Variants in TRIOBP observed in about 807,000 individuals in gnomAD.
The protein encoded by TRIOBP is TRIO and F-actin binding protein.
A neutral mutation model predicts 238.8 loss-of-function variants in TRIOBP; 169 were observed. The ratio of observed to expected loss-of-function variants is 0.71; its 90% CI spans 0.62 to 0.80. The LOEUF (loss-of-function observed/expected upper bound fraction) is 0.80. TRIOBP is among the 30% of genes least tolerant of loss of function. The pLI is 0.00. For missense variants in TRIOBP, 2,838 were observed against 3,122.6 expected, an observed-to-expected ratio of 0.91 and a Z score of 2.17; for synonymous variants, 1,150 against 1,274.4, an observed-to-expected ratio of 0.90 and a Z score of 2.08.
At position 37,771,093 on chromosome 22, in the gene TRIOBP, A is replaced by G. The variant is rs113523292; in HGVS notation, c.6850-557A>G. ...TCTAATCTTCCTGACAGCTCCATAC[A>G]TTAGCTACTATGACTGTCCCCATTT... is the stretch of plus-strand genomic sequence containing the variant. On this transcript the variant is annotated intron_variant, in intron 21 of 23. Coordinates refer to ENST00000644935, the MANE Select transcript of TRIOBP (RefSeq NM_001039141.3). 6.8e-3 allele frequency among the ~76,000 whole-genome samples: 1,034 copies of G among 152,306 alleles called. 13 individuals are homozygous for G. The highest frequency in any genetic ancestry group is 0.023 in the African/African-American group (966 of 41,558).
chr22:37,758,821 G>A (rs903410111), intron 16 of TRIOBP, among the ~76,000 whole-genome samples: 1 of 152,172 alleles, frequency 6.6e-6, no homozygotes, highest in Admixed American at 6.5e-5. Context: ...TTTACTGACG[G>A]GAAAACTGAG....
intron 18 of TRIOBP, 39 bp from the exon 19 acceptor site, chr22:37,768,035 C>G: frequency 1.9e-6 from 3 of 1,554,472 alleles, no homozygotes; most frequent in Non-Finnish European, 8.8e-7. Flanking sequence ...CTGCTGACCC[C>G]CCTCCAGTCT....
chr22:37,705,581 T>C (rs746879213), intron 3 of TRIOBP, among the ~76,000 whole-genome samples: 8 of 151,158 alleles, frequency 5.3e-5, no homozygotes, highest in Non-Finnish European at 1.0e-4. Flanking sequence ...CTGTTTTGTT[T>C]TTGTTTTTTT....
chr22:37,748,736 C>T (rs1184372590), intron 11 of TRIOBP, among the ~76,000 whole-genome samples: 4 of 152,082 alleles, frequency 2.6e-5, no homozygotes, highest in African/African-American at 4.8e-5. Context: ...GCAACAGAGG[C>T]CTCTGAGAGG....
intron 9 of TRIOBP, among the ~76,000 whole-genome samples, chr22:37,738,341 G>A (rs1165032494): frequency 2.6e-5 from 4 of 152,168 alleles, no homozygotes; most frequent in Admixed American, 2.6e-4. Flanking sequence ...GATAGATGTT[G>A]GAGATATGGG....
Position 37,757,987 on chromosome 22 carries a change from G to A in TRIOBP, c.6062G>A (p.Arg2021Gln), listed in dbSNP as rs1224151266. Residue 2021 changes from arginine to glutamine, a missense_variant, in exon 16 of 24, where the codon CGG becomes CAG. This residue lies in a region of TRIOBP where 2,096 missense variants were observed against 2,137.4 expected (regional missense o/e 0.98). Coordinates refer to ENST00000644935, the MANE Select transcript of TRIOBP (RefSeq NM_001039141.3). ...GAPLTEDQQN[R>Q]LSEEIEKKWQ... Reference sequence around the variant, plus strand: ...CCCCTGACTGAGGACCAGCAAAACCGGCTTAGTGAGGAGATCGAGAAGAAG... The same window carrying A: ...CCCCTGACTGAGGACCAGCAAAACCAGCTTAGTGAGGAGATCGAGAAGAAG... 1.7e-5 allele frequency: 27 copies of A among 1,592,956 alleles called. No individual in the cohort carries two copies. Among genetic ancestry groups the A allele is most frequent in the Admixed American group, 3.5e-5 (2 of 56,398 alleles).
intron 11 of TRIOBP, chr22:37,746,497 C>G: frequency 4.0e-6 from 5 of 1,246,292 alleles, no homozygotes; most frequent in Non-Finnish European, 4.2e-6. Flanking sequence ...AGCCTCTCCC[C>G]TCCGGGGCAG....
intron 11 of TRIOBP, among the ~76,000 whole-genome samples, chr22:37,743,741 AG>A (rs1347974726): frequency 6.6e-6 from 1 of 151,736 alleles, no homozygotes; most frequent in African/African-American, 2.4e-5. Context: ...TGAGACTTCA[AG>A]GAAGAAATTT....
At chr22:37,753,932 C>T (rs1244021125) in intron 12 of TRIOBP, among the ~76,000 whole-genome samples, 1 of 152,174 alleles carries the variant, frequency 6.6e-6, no homozygotes, top group Non-Finnish European at 1.5e-5. Context: ...CAGAGGTGGG[C>T]TGGGCTTGGC....
At chr22:37,741,810 A>C (rs1334533314) in intron 11 of TRIOBP, among the ~76,000 whole-genome samples, 1 of 152,236 alleles carries the variant, frequency 6.6e-6, no homozygotes, top group Non-Finnish European at 1.5e-5. Flanking sequence ...GGTTGTAGCC[A>C]AACTTACTGA....
intron 17 of TRIOBP, among the ~76,000 whole-genome samples, chr22:37,762,541 G>A (rs1050090230): frequency 6.6e-6 from 1 of 152,236 alleles, no homozygotes; most frequent in Non-Finnish European, 1.5e-5. Flanking sequence ...TGGAGTTCAG[G>A]CGGTCTGGTC....
At chr22:37,701,742 A>T (rs1244376665) in intron 3 of TRIOBP, among the ~76,000 whole-genome samples, 1 of 152,222 alleles carries the variant, frequency 6.6e-6, no homozygotes, top group East Asian at 1.9e-4. Flanking sequence ...CTTTAAATCA[A>T]CATCTTTTTC....
chr22:37,734,937 C>A lies in TRIOBP; in HGVS notation c.4601C>A (p.Pro1534His). 6.2e-7 allele frequency: 1 copy of A among 1,613,392 alleles called. No individual in the cohort carries two copies. Among genetic ancestry groups the A allele is most frequent in the Non-Finnish European group, 8.5e-7 (1 of 1,179,998 alleles). Residue 1534 changes from proline (P) to histidine (H), a missense_variant, in exon 9 of 24, where the codon CCC becomes CAC. Pro to His is a moderately conservative substitution (Grantham distance 77). This residue lies in a region of TRIOBP where 2,096 missense variants were observed against 2,137.4 expected (regional missense o/e 0.98). Transcript: ENST00000644935. ...TCACAATCCTGGCACTCTGGGACAC[C>A]CACTGCTGTGGGCTGGGGGGCAGAG... Reference protein sequence around the residue: ...ESSQSWHSGTPTAVGWGAEGA... With the variant: ...ESSQSWHSGTHTAVGWGAEGA...
At chr22:37,757,582 C>T in intron 15 of TRIOBP, 31 bp from the exon 16 acceptor site, 1 of 1,556,974 alleles carries the variant, frequency 6.4e-7, no homozygotes, top group Non-Finnish European at 8.7e-7. Context: ...GGGGTGAGGA[C>T]CCACCTGACG....
In TRIOBP at chr22:37,724,450, G is replaced by C; in HGVS notation, c.1894G>C (p.Asp632His). 1.2e-6 allele frequency: 2 copies of C among 1,610,712 alleles called. No homozygotes were observed. The highest frequency in any genetic ancestry group is 1.7e-6 in the Non-Finnish European group (2 of 1,179,086). Residue 632 changes from aspartate (D) to histidine (H), a missense_variant, in exon 7 of 24, where the codon GAC becomes CAC. Asp to His is a moderately conservative substitution (Grantham distance 81, BLOSUM62 -1). Transcript: ENST00000644935. The stretch of plus-strand genomic sequence containing the variant: ...CCCCAGAACATCCTGTGCCCAGCGG[G>C]ACAATCCCAGAGCCTCCTCTCCCAA... ...DNPRTSCAQR[D>H]NPRASSPNRT...
chr22:37,708,646 A>G (rs973630641), intron 3 of TRIOBP, among the ~76,000 whole-genome samples: 3 of 152,344 alleles, frequency 2.0e-5, no homozygotes, highest in African/African-American at 4.8e-5. Context: ...TAGATGAGGT[A>G]ACTGAGGCAC....
chr22:37,748,502 C>A (rs1925400446), intron 11 of TRIOBP, among the ~76,000 whole-genome samples: 1 of 152,200 alleles, frequency 6.6e-6, no homozygotes, highest in South Asian at 2.1e-4. Flanking sequence ...CTGTCTCTTT[C>A]CTACAGTCCA....
At chr22:37,751,602 G>T in intron 11 of TRIOBP, 170 bp from the exon 12 acceptor site, 1 of 691,446 alleles carries the variant, frequency 1.4e-6, no homozygotes, top group Non-Finnish European at 2.6e-6. Context: ...CAGTGGCTGG[G>T]AGGCCTGCTT....
chr22:37,761,778 G>A (rs914054639), intron 17 of TRIOBP, among the ~76,000 whole-genome samples: 1 of 152,056 alleles, frequency 6.6e-6, no homozygotes. Context: ...AGCAGGCAGG[G>A]GAATTGGGGT....
Sources: gnomAD v4.1 joint callset for allele counts (sites outside exome capture counted in the v4.1 genomes callset) on GRCh38, gnomAD v4.1.1 for gene constraint, gnomAD v4.1.1 regional missense constraint, MANE v1.5 for transcripts, NCBI Gene and HGNC (gene_info 2026-07-23, HGNC 2026-07-21) for gene names.